Variants in CALCR observed in about 807,000 individuals in gnomAD.
The protein encoded by CALCR is calcitonin receptor.
CALCR carries 47 observed loss-of-function variants against 59.5 expected under a neutral mutation model. The observed-to-expected ratio is 0.79, with a 90% CI of 0.63 to 1.01. The LOEUF is 1.01. Among genes scored for constraint, CALCR ranks in the 50% least tolerant of loss-of-function variants. The probability of loss-of-function intolerance (pLI) is 0.00; values close to 1 mark genes in which losing one functional copy is unlikely to be tolerated. For missense variants in CALCR, 566 were observed against 597.1 expected (o/e 0.95, Z 0.54); for synonymous variants, 213 against 211.3 (o/e 1.01, Z -0.07).
intron 13 of CALCR, among the ~76,000 whole-genome samples, chr7:93,430,894 A>G (rs1035818612): frequency 1.3e-5 from 2 of 152,216 alleles, no homozygotes; most frequent in African/African-American, 4.8e-5. Context: ...CTTAGCATTG[A>G]GACTCAAAGC....
intron 8 of CALCR, among the ~76,000 whole-genome samples, chr7:93,447,541 G>T (rs1584543090): frequency 6.6e-6 from 1 of 151,938 alleles, no homozygotes; most frequent in East Asian, 1.9e-4. Context: ...CCTTAAGTAT[G>T]AGAAATAGAG....
intron 2 of CALCR, among the ~76,000 whole-genome samples, chr7:93,565,465 A>G (rs1020392371): frequency 5.3e-5 from 8 of 152,246 alleles, no homozygotes; most frequent in African/African-American, 1.7e-4. Context: ...TAAGTTTCTC[A>G]TTGACCTTGT....
intron 2 of CALCR, among the ~76,000 whole-genome samples, chr7:93,526,360 G>T (rs1448866959): frequency 6.6e-6 from 1 of 151,906 alleles, no homozygotes; most frequent in African/African-American, 2.4e-5. Context: ...GGAGATAAAT[G>T]GCCAATATTC....
chr7:93,506,110 C>T (rs1022367849), intron 2 of CALCR, among the ~76,000 whole-genome samples: 1 of 152,142 alleles, frequency 6.6e-6, no homozygotes, highest in Non-Finnish European at 1.5e-5. Flanking sequence ...CTTTCTTTTG[C>T]CTATTAAACT....
At chr7:93,550,598 AACACACACACAC>A (rs201729250) in intron 2 of CALCR, among the ~76,000 whole-genome samples, 6,402 of 121,900 alleles carry the variant, frequency 0.053, 385 homozygotes, top group East Asian at 0.29. Flanking sequence ...ATTTGGGCTA[AACACACACACAC>A]ACACACACAC....
chr7:93,445,686 G>A (rs1023174390), intron 8 of CALCR, among the ~76,000 whole-genome samples: 1 of 151,984 alleles, frequency 6.6e-6, no homozygotes, highest in African/African-American at 2.4e-5. Flanking sequence ...TTTGTTTAAA[G>A]ACAACTTATT....
intron 2 of CALCR, among the ~76,000 whole-genome samples, chr7:93,496,576 C>G (rs1801208423): frequency 6.6e-6 from 1 of 151,454 alleles, no homozygotes; most frequent in African/African-American, 2.4e-5. Flanking sequence ...AGCCTTGGTA[C>G]AAAGCCCAGT....
chr7:93,509,415 A>G (rs540417300), intron 2 of CALCR, among the ~76,000 whole-genome samples: 1 of 152,298 alleles, frequency 6.6e-6, no homozygotes, highest in South Asian at 2.1e-4. Flanking sequence ...GTCAAATGAT[A>G]TAAATAAACA....
At chr7:93,472,729 A>G (rs957930672) in intron 5 of CALCR, among the ~76,000 whole-genome samples, 1 of 151,714 alleles carries the variant, frequency 6.6e-6, no homozygotes, top group Non-Finnish European at 1.5e-5. Context: ...TTACAAATTC[A>G]AAGCAGACAG....
chr7:93,533,655 G>A (rs1014485725), intron 2 of CALCR, among the ~76,000 whole-genome samples: 8 of 151,802 alleles, frequency 5.3e-5, no homozygotes, highest in Non-Finnish European at 1.2e-4. Context: ...AGGTTTAGGT[G>A]GGGAAGCACT....
At chr7:93,436,761 CA>C (rs1186602749) in intron 11 of CALCR, among the ~76,000 whole-genome samples, 1 of 152,120 alleles carries the variant, frequency 6.6e-6, no homozygotes, top group Non-Finnish European at 1.5e-5. Context: ...TTGTCTTTTA[CA>C]TTTAAACCTC....
In CALCR at chr7:93,424,590, G is replaced by A. The variant is rs954613410; in HGVS notation, c.*1766C>T. Reference sequence around the variant, plus strand: ...AATTTATACATATACACAAGCATAAGCATTTCACATAATTTGGGCAGAACT... The same window carrying A: ...AATTTATACATATACACAAGCATAAACATTTCACATAATTTGGGCAGAACT... On this transcript the variant is annotated 3_prime_UTR_variant, in exon 14 of 14. Transcript: ENST00000426151. The A allele has an allele frequency of 5.9e-5, 9 of 152,502 alleles. No individual in the cohort carries two copies. The highest frequency in any genetic ancestry group is 1.9e-4 in the African/African-American group (8 of 41,416). 9.4% of individuals were successfully genotyped at this position (152,502 alleles called of 1,614,324 possible).
chr7:93,497,430 A>G (rs1439608703), intron 2 of CALCR, among the ~76,000 whole-genome samples: 2 of 151,550 alleles, frequency 1.3e-5, no homozygotes, highest in Non-Finnish European at 3.0e-5. Flanking sequence ...TCTTTGATTT[A>G]GTTCTTAAGA....
intron 2 of CALCR, among the ~76,000 whole-genome samples, chr7:93,501,332 C>T (rs995621314): frequency 1.3e-5 from 2 of 152,034 alleles, no homozygotes; most frequent in Non-Finnish European, 2.9e-5. Flanking sequence ...TATGACTCAC[C>T]TTGCCAGTTC....
chr7:93,475,561 T>A (rs1159513683), intron 5 of CALCR, among the ~76,000 whole-genome samples: 3 of 151,658 alleles, frequency 2.0e-5, no homozygotes, highest in African/African-American at 7.2e-5. Flanking sequence ...TTAAATAAAA[T>A]GAATGTAATT....
rs373396149 is a variant in CALCR at position 93,497,224 on chromosome 7, CT to C, written c.-26-10218del. On this transcript the variant is annotated intron_variant, in intron 2 of 13. Coordinates refer to ENST00000426151, the MANE Select transcript of CALCR (RefSeq NM_001742.4). ...TGATGTCATATTGAAAGAAATAAGA[CT>C]TTTTCTTTTACTCATGTCAATGACC... is the stretch of plus-strand genomic sequence containing the variant. Among the ~76,000 whole-genome samples the C allele has an allele frequency of 1.6e-3, 243 of 151,536 alleles. 1 individual carries two copies. Among genetic ancestry groups the C allele is most frequent in the African/African-American group, 5.7e-3 (238 of 41,426 alleles).
At chr7:93,462,191 C>T (rs937135431) in intron 7 of CALCR, 50 of 705,706 alleles carry the variant, frequency 7.1e-5, no homozygotes, top group Middle Eastern at 6.3e-4. Context: ...TTCAACTTTT[C>T]GGGAAGCGAT....
chr7:93,550,598 AACACACACAC>A (rs201729250), intron 2 of CALCR, among the ~76,000 whole-genome samples: 9,817 of 121,866 alleles, frequency 0.081, 345 homozygotes, highest in East Asian at 0.12. Context: ...ATTTGGGCTA[AACACACACAC>A]ACACACACAC....
intron 9 of CALCR, among the ~76,000 whole-genome samples, chr7:93,438,857 G>C (rs17165441): frequency 0.061 from 9,213 of 151,670 alleles, 404 homozygotes; most frequent in Admixed American, 0.14. Flanking sequence ...GAAACTTTAT[G>C]AAGGCAGCTT....
Sources: gnomAD v4.1 joint callset for allele counts (sites outside exome capture counted in the v4.1 genomes callset) on GRCh38, gnomAD v4.1.1 for gene constraint, MANE v1.5 for transcripts, NCBI Gene and HGNC (gene_info 2026-07-23, HGNC 2026-07-21) for gene names.